The following FAM167B variants were observed in gnomAD, a reference collection of about 807,000 sequenced individuals.
FAM167B encodes the protein family with sequence similarity 167 member B.
Under a neutral mutation model 15.4 loss-of-function variants are expected in FAM167B, and 7 were observed. That is an observed-to-expected ratio of 0.46 (90% CI 0.26 to 0.86). FAM167B has a LOEUF of 0.86. Ranked by LOEUF, FAM167B falls within the 40% of genes least tolerant of loss-of-function variation. The probability of loss-of-function intolerance (pLI) is 0.17; values close to 1 mark genes in which losing one functional copy is unlikely to be tolerated. For synonymous variants in FAM167B, 100 were observed against 94.6 expected, an observed-to-expected ratio of 1.06 and a Z score of -0.33; for missense variants, 207 against 208.3, an observed-to-expected ratio of 0.99 and a Z score of 0.04.
chr1:32,248,579 C>A lies in FAM167B; in HGVS notation c.470C>A (p.Ala157Asp), dbSNP rs754913612. 4.5e-6 allele frequency: 7 copies of A among 1,543,112 alleles called. No homozygotes were observed. Among genetic ancestry groups the A allele is most frequent in the Non-Finnish European group, 8.7e-7 (1 of 1,146,540 alleles). Residue 157 changes from alanine (A) to aspartate (D), a missense_variant, in exon 2 of 2, where the codon GCC becomes GAC. Coordinates refer to ENST00000373582, the MANE Select transcript of FAM167B (RefSeq NM_032648.3). ...GGCCTCACGCGCATGAACATCAGCG[C>A]CCGGCGCTTCACCCTCTGCTGAGGA... ...HLGLTRMNIS[A>D]RRFTLC
intron 1 of FAM167B, 143 bp downstream of exon 1, chr1:32,247,825 G>T: frequency 1.4e-6 from 1 of 708,878 alleles, no homozygotes; most frequent in Non-Finnish European, 2.1e-6. Context: ...CTGAGGAGCC[G>T]GGAATGGACT....
chr1:32,248,098 G>A (rs919352155), intron 1 of FAM167B, among the ~76,000 whole-genome samples: 2 of 152,196 alleles, frequency 1.3e-5, no homozygotes, highest in African/African-American at 4.8e-5. Flanking sequence ...CTCAACATGT[G>A]CAAATATAAA....
chr1:32,247,982 C>T (rs1172230644), intron 1 of FAM167B, among the ~76,000 whole-genome samples: 3 of 152,170 alleles, frequency 2.0e-5, no homozygotes, highest in South Asian at 2.1e-4. Context: ...GCCTCCCCTA[C>T]TCTGGGACTT....
chr1:32,248,190 C>T (rs1233641689), intron 1 of FAM167B, among the ~76,000 whole-genome samples, 181 bp from the exon 2 acceptor site: 1 of 152,134 alleles, frequency 6.6e-6, no homozygotes, highest in African/African-American at 2.4e-5. Flanking sequence ...AATAATGACT[C>T]CTTAGCTGGG....
rs779717397 is a variant in FAM167B at position 32,248,432 on chromosome 1, T to A, written c.323T>A (p.Leu108Gln). The change falls in exon 2 of 2, where the codon CTG becomes CAG. Residue 108 changes from leucine (L) to glutamine (Q), a missense_variant. Coordinates refer to ENST00000373582, the MANE Select transcript of FAM167B (RefSeq NM_032648.3). ...CAGCTGCTGCGGCTGCGGGCCCAGC[T>A]GCACCGACTGAAGATGGACCAAGCC... is the stretch of plus-strand genomic sequence containing the variant. ...AGQLLRLRAQLHRLKMDQACH... is the reference protein window; with the variant it reads ...AGQLLRLRAQQHRLKMDQACH... 1.2e-6 allele frequency: 2 copies of A among 1,603,824 alleles called. No homozygotes were observed. The highest frequency in any genetic ancestry group is 2.2e-5 in the East Asian group (1 of 44,528).
Position 32,247,588 on chromosome 1 carries a change from G to T in FAM167B, c.167G>T (p.Arg56Leu), listed in dbSNP as rs747746477. The change falls in exon 1 of 2, where the codon CGC becomes CTC. Residue 56 changes from arginine (R) to leucine (L), a missense_variant. Transcript: ENST00000373582. ...WTAQVQSQAW[R>L]RAQAKPGPGG... ...GCCCAGGTCCAGAGCCAGGCCTGGCGCAGGGCCCAAGCCAAACCTGGACCA... is the reference window on the plus strand; with the variant it reads ...GCCCAGGTCCAGAGCCAGGCCTGGCTCAGGGCCCAAGCCAAACCTGGACCA... The T allele has an allele frequency of 2.5e-6, 4 of 1,574,410 alleles. No individual in the cohort carries two copies. Among genetic ancestry groups the T allele is most frequent in the African/African-American group, 1.4e-5 (1 of 73,480 alleles).
chr1:32,248,607 A>C lies in FAM167B; in HGVS notation c.*6A>C, dbSNP rs1439219182. The C allele has an allele frequency of 1.3e-6, 2 of 1,522,598 alleles. No homozygotes were observed. Among genetic ancestry groups the C allele is most frequent in the Admixed American group, 4.1e-5 (2 of 48,970 alleles). 94.3% of individuals were successfully genotyped at this position (1,522,598 alleles called of 1,614,324 possible). On this transcript the variant is annotated 3_prime_UTR_variant, in exon 2 of 2. Coordinates refer to ENST00000373582, the MANE Select transcript of FAM167B (RefSeq NM_032648.3). The stretch of plus-strand genomic sequence containing the variant: ...GGCGCTTCACCCTCTGCTGAGGAAC[A>C]CCTGTGCCCCCCGACTCCCCGCCCC...
chr1:32,247,841 A>G (rs1370237110), intron 1 of FAM167B, among the ~76,000 whole-genome samples, 159 bp downstream of exon 1: 14 of 152,218 alleles, frequency 9.2e-5, no homozygotes, highest in Admixed American at 7.9e-4. Context: ...GGACTTGTCC[A>G]GTGTTGTATT....
In FAM167B at chr1:32,247,572, C is replaced by G; in HGVS notation, c.151C>G (p.Gln51Glu). 1.3e-6 allele frequency: 2 copies of G among 1,588,570 alleles called. No individual in the cohort carries two copies. The highest frequency in any genetic ancestry group is 1.7e-6 in the Non-Finnish European group (2 of 1,167,214). The change falls in exon 1 of 2, where the codon CAG (glutamine) becomes GAG (glutamate). Residue 51 changes from glutamine (Q) to glutamate (E), a missense_variant. Transcript: ENST00000373582. ...PSYLEWTAQVQSQAWRRAQAK... is the reference protein window; with the variant it reads ...PSYLEWTAQVESQAWRRAQAK... ...ATATCTGGAGTGGACAGCCCAGGTC[C>G]AGAGCCAGGCCTGGCGCAGGGCCCA... is the stretch of plus-strand genomic sequence containing the variant.
Position 32,247,625 on chromosome 1 carries a change from G to A in FAM167B, c.204G>A (p.Gly68=), listed in dbSNP as rs914026839. The part of the protein sequence containing the change: ...AQAKPGPGGP[G]DICGFDSMDS... ...CCAAACCTGGACCAGGGGGACCTGG[G>A]GACATCTGTGGTTTCGACTCAATGG... Residue 68 remains glycine, a synonymous_variant, in exon 1 of 2, where the codon GGG becomes GGA. Coordinates refer to ENST00000373582, the MANE Select transcript of FAM167B (RefSeq NM_032648.3). 2.0e-6 allele frequency: 3 copies of A among 1,515,702 alleles called. No individual in the cohort carries two copies. The highest frequency in any genetic ancestry group is 1.4e-5 in the African/African-American group (1 of 71,198). The allele number at this position is 1,515,702 out of a possible 1,614,324, so 93.9% of individuals were successfully genotyped here.
At chr1:32,248,106 A>G (rs1639432831) in intron 1 of FAM167B, among the ~76,000 whole-genome samples, 2 of 152,320 alleles carry the variant, frequency 1.3e-5, no homozygotes, top group East Asian at 3.9e-4. Context: ...GTGCAAATAT[A>G]AAGATACCCA....
rs773425403 is a variant in FAM167B, at chr1:32,247,655, C to T, written c.234C>T (p.Ser78=). Residue 78 remains serine (S), a synonymous_variant, in exon 1 of 2, where the codon TCC becomes TCT. Coordinates refer to ENST00000373582, the MANE Select transcript of FAM167B (RefSeq NM_032648.3). The stretch of plus-strand genomic sequence containing the variant: ...TCTGTGGTTTCGACTCAATGGACTC[C>T]GCCCTTGAGTGGCTCCGACGGGAGC... The part of the protein sequence containing the change: ...GDICGFDSMD[S]ALEWLRRELR... The T allele has an allele frequency of 8.8e-6, 13 of 1,476,602 alleles. No homozygotes were observed. The highest frequency in any genetic ancestry group is 2.6e-5 in the East Asian group (1 of 39,078). The allele number at this position is 1,476,602 out of a possible 1,614,324, so 91.5% of individuals were successfully genotyped here.
Position 32,248,595 on chromosome 1 carries a change from C to T in FAM167B, c.486C>T (p.Leu162=). The change falls in exon 2 of 2, where the codon CTC becomes CTT. Residue 162 remains leucine, a synonymous_variant. Coordinates refer to ENST00000373582, the MANE Select transcript of FAM167B (RefSeq NM_032648.3). ...RMNISARRFT[L]C ...ACATCAGCGCCCGGCGCTTCACCCT[C>T]TGCTGAGGAACACCTGTGCCCCCCG... 6.5e-7 allele frequency: 1 copy of T among 1,538,382 alleles called. No homozygotes were observed. Among genetic ancestry groups the T allele is most frequent in the East Asian group, 2.5e-5 (1 of 40,808 alleles).
Position 32,248,779 on chromosome 1 carries a change from C to A in FAM167B, c.*178C>A. 1 of 628,796 alleles carries A rather than the reference C, an allele frequency of 1.6e-6. No individual in the cohort carries two copies. Among genetic ancestry groups the A allele is most frequent in the South Asian group, 2.0e-5 (1 of 50,052 alleles). The allele number at this position is 628,796 out of a possible 1,614,324, so 39.0% of individuals were successfully genotyped here. On this transcript the variant is annotated 3_prime_UTR_variant, in exon 2 of 2. Coordinates refer to ENST00000373582, the MANE Select transcript of FAM167B (RefSeq NM_032648.3). Reference sequence around the variant, plus strand: ...GCAAAACCCCAGCATCCTGTTTCCTCTGCTGACCCAGCTGGGAGGGGGAGG... The same window carrying A: ...GCAAAACCCCAGCATCCTGTTTCCTATGCTGACCCAGCTGGGAGGGGGAGG...
chr1:32,248,775 T>C lies in FAM167B; in HGVS notation c.*174T>C. The C allele has an allele frequency of 3.1e-6, 2 of 640,992 alleles. No homozygotes were observed. The highest frequency in any genetic ancestry group is 2.6e-6 in the Non-Finnish European group (1 of 377,490). The allele number at this position is 640,992 out of a possible 1,614,324, so 39.7% of individuals were successfully genotyped here. ...GAGTGCAAAACCCCAGCATCCTGTT[T>C]CCTCTGCTGACCCAGCTGGGAGGGG... On this transcript the variant is annotated 3_prime_UTR_variant, in exon 2 of 2. Coordinates refer to ENST00000373582, the MANE Select transcript of FAM167B (RefSeq NM_032648.3).
In FAM167B at chr1:32,248,536, C is replaced by T. The variant is rs565175406; in HGVS notation, c.427C>T (p.Pro143Ser). ...LEPGAGLALA[P>S]LLRHLGLTRM... Reference sequence around the variant, plus strand: ...GCCCGGGGCCGGCCTAGCCCTGGCCCCGCTGCTGCGGCACCTGGGCCTCAC... The same window carrying T: ...GCCCGGGGCCGGCCTAGCCCTGGCCTCGCTGCTGCGGCACCTGGGCCTCAC... The change falls in exon 2 of 2, where the codon CCG becomes TCG. Residue 143 changes from proline to serine, a missense_variant. Coordinates refer to ENST00000373582, the MANE Select transcript of FAM167B (RefSeq NM_032648.3). 6.4e-7 allele frequency: 1 copy of T among 1,561,886 alleles called. No individual in the cohort carries two copies. Among genetic ancestry groups the T allele is most frequent in the Non-Finnish European group, 8.7e-7 (1 of 1,155,290 alleles).
At chr1:32,247,935 G>C (rs544891903) in intron 1 of FAM167B, among the ~76,000 whole-genome samples, 2 of 152,200 alleles carry the variant, frequency 1.3e-5, no homozygotes, top group African/African-American at 4.8e-5. Flanking sequence ...CTGGTGTTGG[G>C]GGGTGTGGGG....
In FAM167B at chr1:32,248,801, G is replaced by A; in HGVS notation, c.*200G>A. On this transcript the variant is annotated 3_prime_UTR_variant, in exon 2 of 2. Coordinates refer to ENST00000373582, the MANE Select transcript of FAM167B (RefSeq NM_032648.3). ...CCTCTGCTGACCCAGCTGGGAGGGG[G>A]AGGAGGAGGAGCTCACACCCTCAAA... The A allele has an allele frequency of 1.7e-6, 1 of 597,604 alleles. No homozygotes were observed. Among genetic ancestry groups the A allele is most frequent in the African/African-American group, 1.9e-5 (1 of 53,578 alleles). 37.0% of individuals were successfully genotyped at this position (597,604 alleles called of 1,614,324 possible). A position where few individuals can be genotyped will look rare whatever the true frequency, so the allele number is the denominator to read the frequency against.
chr1:32,247,318 C>G lies in FAM167B; in HGVS notation c.-104C>G. 4 of 1,421,712 alleles carry G rather than the reference C, an allele frequency of 2.8e-6. No individual in the cohort carries two copies. The highest frequency in any genetic ancestry group is 3.7e-6 in the Non-Finnish European group (4 of 1,075,230). The allele number at this position is 1,421,712 out of a possible 1,614,324, so 88.1% of individuals were successfully genotyped here. A position where few individuals can be genotyped will look rare whatever the true frequency, so the allele number is the denominator to read the frequency against. ...TGACCACCACACACTCCCTGGCACG[C>G]TCTTCTCACCCTCAACTTCTGCCAC... On this transcript the variant is annotated 5_prime_UTR_variant, in exon 1 of 2. Coordinates refer to ENST00000373582, the MANE Select transcript of FAM167B (RefSeq NM_032648.3).
Sources: gnomAD v4.1 joint callset for allele counts (sites outside exome capture counted in the v4.1 genomes callset) on GRCh38, gnomAD v4.1.1 for gene constraint, MANE v1.5 for transcripts, NCBI Gene and HGNC (gene_info 2026-07-23, HGNC 2026-07-21) for gene names.